COL28A1: variants seen among roughly 807,000 people sequenced by gnomAD.
The protein encoded by COL28A1 is collagen type XXVIII alpha 1 chain.
In COL28A1, 161 loss-of-function variants were observed where a neutral mutation model predicts 150.2. That is an observed-to-expected ratio of 1.07 (90% CI 0.94 to 1.22). The LOEUF is 1.22. Among genes scored for constraint, COL28A1 ranks in the 50% most tolerant of loss-of-function variants. COL28A1 has a pLI of 0.00. For synonymous variants in COL28A1, 552 were observed against 469.7 expected, an observed-to-expected ratio of 1.18 and a Z score of -2.26; for missense variants, 1,617 against 1,388.3, an observed-to-expected ratio of 1.16 and a Z score of -2.62.
intron 25 of COL28A1, among the ~76,000 whole-genome samples, chr7:7,424,401 C>T (rs533375389): frequency 8.5e-5 from 13 of 152,208 alleles, no homozygotes; most frequent in African/African-American, 2.2e-4. Flanking sequence ...GGCCATTTGA[C>T]GGCACTGGTT....
At chr7:7,442,763 G>A (rs769320158) in intron 20 of COL28A1, among the ~76,000 whole-genome samples, 10 of 152,112 alleles carry the variant, frequency 6.6e-5, no homozygotes, top group African/African-American at 9.7e-5. Context: ...AAGCCCAGGC[G>A]CGGTGGCTCA....
At chr7:7,401,024 G>GCTCT (rs2128298952) in intron 27 of COL28A1, among the ~76,000 whole-genome samples, 1 of 141,644 alleles carries the variant, frequency 7.1e-6, no homozygotes, top group Non-Finnish European at 1.5e-5. Context: ...GTGTGTGTGT[G>GCTCT]TACAGCTCTT....
chr7:7,352,271 A>G (rs1404634245), downstream of COL28A1, among the ~76,000 whole-genome samples: 1 of 152,176 alleles, frequency 6.6e-6, no homozygotes, highest in African/African-American at 2.4e-5. Flanking sequence ...AAAGATAAAC[A>G]AGGCATGTCT....
downstream of COL28A1, among the ~76,000 whole-genome samples, chr7:7,353,828 A>G (rs924752694): frequency 2.6e-5 from 4 of 152,116 alleles, no homozygotes; most frequent in African/African-American, 9.7e-5. Flanking sequence ...ATAGCAGCCT[A>G]GATACTCTAA....
chr7:7,451,513 T>C (rs1308663911), intron 18 of COL28A1, among the ~76,000 whole-genome samples: 5 of 152,144 alleles, frequency 3.3e-5, no homozygotes, highest in South Asian at 2.1e-4. Flanking sequence ...TGTGAGCCAC[T>C]ACGCCCAGCA....
chr7:7,420,486 T>C (rs937931027), intron 25 of COL28A1, among the ~76,000 whole-genome samples: 3 of 152,252 alleles, frequency 2.0e-5, no homozygotes, highest in Admixed American at 1.3e-4. Context: ...TGACGCCCTG[T>C]GGCAAGACCT....
chr7:7,521,264 A>G (rs2115196784), intron 5 of COL28A1, among the ~76,000 whole-genome samples: 1 of 152,354 alleles, frequency 6.6e-6, no homozygotes, highest in Non-Finnish European at 1.5e-5. Context: ...TGTCATTTCA[A>G]ATGCCTTCCC....
chr7:7,461,253 T>G (rs1399355973), intron 15 of COL28A1, among the ~76,000 whole-genome samples: 3 of 152,162 alleles, frequency 2.0e-5, no homozygotes, highest in African/African-American at 7.2e-5. Flanking sequence ...GTGGGTTCCC[T>G]AGCAAGCCAT....
intron 32 of COL28A1, among the ~76,000 whole-genome samples, chr7:7,371,843 T>C (rs1781236632): frequency 6.6e-6 from 1 of 152,078 alleles, no homozygotes; most frequent in South Asian, 2.1e-4. Context: ...ATTTTTTATT[T>C]ATTTTTTGAG....
the COL28A1 span, among the ~76,000 whole-genome samples, chr7:7,339,696 G>A: frequency 6.6e-6 from 1 of 152,050 alleles, no homozygotes; most frequent in Non-Finnish European, 1.5e-5. Flanking sequence ...AAAGAAAAAA[G>A]GCACATTATT....
At chr7:7,376,015 G>T (rs1484959841) in intron 30 of COL28A1, among the ~76,000 whole-genome samples, 1 of 152,028 alleles carries the variant, frequency 6.6e-6, no homozygotes, top group Admixed American at 6.6e-5. Context: ...CCTCTCTTCA[G>T]CTTCTTAACA....
At chr7:7,391,614 G>A (rs1294643) in intron 27 of COL28A1, among the ~76,000 whole-genome samples, 84,844 of 151,948 alleles carry the variant, frequency 0.56, 26,490 homozygotes, top group South Asian at 0.69. Context: ...GGGAATCTAA[G>A]TCTCTTTGTA....
At chr7:7,444,758 G>T (rs879388343) in intron 18 of COL28A1, among the ~76,000 whole-genome samples, 12 of 152,172 alleles carry the variant, frequency 7.9e-5, no homozygotes, top group Middle Eastern at 3.4e-3. Flanking sequence ...TGGAAACATG[G>T]TCTTTGCAGA....
chr7:7,489,895 A>G (rs1413339790), intron 12 of COL28A1, among the ~76,000 whole-genome samples: 4 of 149,756 alleles, frequency 2.7e-5, no homozygotes, highest in Non-Finnish European at 6.0e-5. Flanking sequence ...AAACTTCTCC[A>G]TAACTCTGCC....
At position 7,524,282 on chromosome 7, in the gene COL28A1, G is replaced by A. The variant is rs201903185; in HGVS notation, c.682-33C>T. On this transcript the variant is annotated intron_variant, in intron 3 of 34. Coordinates refer to ENST00000399429, the MANE Select transcript of COL28A1 (RefSeq NM_001037763.3). The stretch of plus-strand genomic sequence containing the variant: ...GGAAAAAAGAATGAAGCATTAACTC[G>A]ATTGATAGTTCTGCCTCCAGCTACT... The A allele has an allele frequency of 5.4e-4, 646 of 1,191,206 alleles. 7 individuals are homozygous for A. The East Asian group carries it at 0.011, about 21-fold the overall frequency. The allele number at this position is 1,191,206 out of a possible 1,614,324, so 73.8% of individuals were successfully genotyped here. A position where few individuals can be genotyped will look rare whatever the true frequency, so the allele number is the denominator to read the frequency against.
chr7:7,486,259 C>A (rs1779617194), intron 13 of COL28A1, among the ~76,000 whole-genome samples: 1 of 152,064 alleles, frequency 6.6e-6, no homozygotes, highest in Non-Finnish European at 1.5e-5. Context: ...TACTAGTATA[C>A]AGAAATTAAA....
chr7:7,510,788 G>A (rs1381915228), intron 9 of COL28A1, among the ~76,000 whole-genome samples: 2 of 152,148 alleles, frequency 1.3e-5, no homozygotes, highest in African/African-American at 4.8e-5. Context: ...CCTAACTGCA[G>A]CTTTAATTAA....
chr7:7,528,212 T>C (rs1490478550), intron 3 of COL28A1, among the ~76,000 whole-genome samples: 1 of 152,124 alleles, frequency 6.6e-6, no homozygotes, highest in Non-Finnish European at 1.5e-5. Context: ...TCAAAGGCAA[T>C]AGAGGGAAAA....
Position 7,373,890 on chromosome 7 carries a change from A to G in COL28A1, c.2360-344T>C, listed in dbSNP as rs536909184. 3.0e-4 allele frequency among the ~76,000 whole-genome samples: 46 copies of G among 151,232 alleles called. No individual in the cohort carries two copies. Among genetic ancestry groups the G allele is most frequent in the South Asian group, 4.2e-4 (2 of 4,794 alleles). ...AATTTTTTGTATTTTTAGTAGAGACAGGGTTTCACCGTGTTAGCCAAGATG... is the reference window on the plus strand; with the variant it reads ...AATTTTTTGTATTTTTAGTAGAGACGGGGTTTCACCGTGTTAGCCAAGATG... On this transcript the variant is annotated intron_variant, in intron 31 of 34. Transcript: ENST00000399429. The surrounding 1 kb of genome is among the most constrained non-coding windows in gnomAD (Gnocchi z 4.1).
Sources: allele counts gnomAD v4.1 joint callset (sites outside exome capture counted in the v4.1 genomes callset), GRCh38; gene constraint gnomAD v4.1.1; non-coding constraint Gnocchi (gnomAD v3.1); transcripts MANE v1.5; gene names NCBI Gene and HGNC (gene_info 2026-07-23, HGNC 2026-07-21).